PCDHGA4: variants seen among roughly 807,000 people sequenced by gnomAD.
The protein encoded by PCDHGA4 is protocadherin gamma subfamily A, 4, also known as protocadherin gamma-A4.
A neutral mutation model predicts 54.6 loss-of-function variants in PCDHGA4; 38 were observed. That is an observed-to-expected ratio of 0.70 (90% CI 0.54 to 0.91). The LOEUF is 0.91. Among genes scored for constraint, PCDHGA4 ranks in the 40% least tolerant of loss-of-function variants. The pLI, the probability that PCDHGA4 is intolerant of heterozygous loss-of-function variation, is 0.00. For missense variants in PCDHGA4, 1,298 were observed against 1,220.9 expected (o/e 1.06, Z -0.94); for synonymous variants, 511 against 512.9 (o/e 1.00, Z 0.05).
chr5:141,496,083 C>T (rs1267834920), intron 2 of PCDHGA4, among the ~76,000 whole-genome samples: 8 of 151,904 alleles, frequency 5.3e-5, no homozygotes, highest in Admixed American at 3.3e-4. Flanking sequence ...CAACCCCCCA[C>T]CCACCACCCA....
chr5:141,491,705 G>A lies in PCDHGA4; in HGVS notation c.2515-3102G>A. ...ACGCTGCGGGAGCGGAGCCAGGTGA[G>A]GGGCTCGGCGCCGCCCCGGGCGACC... is the stretch of plus-strand genomic sequence containing the variant. On this transcript the variant is annotated intron_variant, in intron 1 of 3. Transcript: ENST00000571252. The surrounding 1 kb of genome is among the most constrained non-coding windows in gnomAD (Gnocchi z 6.9). 1 of 1,611,064 alleles carries A rather than the reference G, an allele frequency of 6.2e-7. No homozygotes were observed. Among genetic ancestry groups the A allele is most frequent in the South Asian group, 1.1e-5 (1 of 90,828 alleles).
chr5:141,397,639 G>A (rs1391771739), intron 1 of PCDHGA4, among the ~76,000 whole-genome samples: 2 of 152,180 alleles, frequency 1.3e-5, no homozygotes, highest in Non-Finnish European at 2.9e-5. Context: ...AGAGTTCAAG[G>A]TATGTTTGCA....
chr5:141,456,072 T>C (rs1349808406), intron 1 of PCDHGA4, among the ~76,000 whole-genome samples: 2 of 151,950 alleles, frequency 1.3e-5, no homozygotes, highest in Non-Finnish European at 2.9e-5. Flanking sequence ...TAATTTTTTG[T>C]ATTTTCAGTA....
intron 1 of PCDHGA4, chr5:141,372,058 G>A (rs769464516): frequency 6.2e-7 from 1 of 1,613,554 alleles, no homozygotes; most frequent in South Asian, 1.1e-5. Flanking sequence ...GTGGACGACC[G>A]CAACGACAAT....
intron 1 of PCDHGA4, chr5:141,385,196 G>C (rs760255338): frequency 3.7e-5 from 60 of 1,614,112 alleles, no homozygotes; most frequent in Non-Finnish European, 5.1e-5. Flanking sequence ...TCTCGGAAGA[G>C]TCACCTGATC....
At chr5:141,488,738 ATGCAGGAAGT>A (rs771423337) in intron 1 of PCDHGA4, among the ~76,000 whole-genome samples, 1 of 152,222 alleles carries the variant, frequency 6.6e-6, no homozygotes, top group Non-Finnish European at 1.5e-5. Flanking sequence ...TTCTGAAGTC[ATGCAGGAAGT>A]TGCTGGGACA....
rs1331087585 is a variant in PCDHGA4 at position 141,365,757 on chromosome 5, C to G, written c.2514+8136C>G. 6 of 1,613,830 alleles carry G rather than the reference C, an allele frequency of 3.7e-6. No individual in the cohort carries two copies. The South Asian group carries it at 6.6e-5, about 18-fold the overall frequency. On this transcript the variant is annotated intron_variant, in intron 1 of 3. Transcript: ENST00000571252. ...GGTGTCTCTATCTTCTCTGTGACAG[C>G]CCATGACCCCGACAGCGGCGACAAC...
At chr5:141,371,260 G>C in intron 1 of PCDHGA4, 1 of 1,614,034 alleles carries the variant, frequency 6.2e-7, no homozygotes, top group Non-Finnish European at 8.5e-7. Flanking sequence ...AAGGAAGTGA[G>C]ACAACTGTTC....
Position 141,389,309 on chromosome 5 carries a change from T to G in PCDHGA4, c.2514+31688T>G, listed in dbSNP as rs763262842. Reference sequence around the variant, plus strand: ...CCTCTATTTCACAAGTCAGGGCTTCTGATCCGGACTTGGGGCCCAACGGCC... The same window carrying G: ...CCTCTATTTCACAAGTCAGGGCTTCGGATCCGGACTTGGGGCCCAACGGCC... On this transcript the variant is annotated intron_variant, in intron 1 of 3. Transcript: ENST00000571252. 8 of 1,614,018 alleles carry G rather than the reference T, an allele frequency of 5.0e-6. No individual in the cohort carries two copies. The South Asian group carries it at 5.5e-5, about 11-fold the overall frequency.
At chr5:141,470,795 C>T (rs947636574) in intron 1 of PCDHGA4, among the ~76,000 whole-genome samples, 2 of 152,182 alleles carry the variant, frequency 1.3e-5, no homozygotes, top group Non-Finnish European at 2.9e-5. Context: ...TCAAGCAATC[C>T]TCCCACTTCA....
At chr5:141,382,121 C>T (rs1437558526) in intron 1 of PCDHGA4, among the ~76,000 whole-genome samples, 1 of 152,068 alleles carries the variant, frequency 6.6e-6, no homozygotes, top group African/African-American at 2.4e-5. Flanking sequence ...AGCAACAGCA[C>T]CTGGCCCCCC....
chr5:141,493,289 C>T lies in PCDHGA4; in HGVS notation c.2515-1518C>T, dbSNP rs925045650. 2.6e-5 allele frequency among the ~76,000 whole-genome samples: 4 copies of T among 152,176 alleles called. No individual in the cohort carries two copies. Among genetic ancestry groups the T allele is most frequent in the Non-Finnish European group, 5.9e-5 (4 of 68,030 alleles). On this transcript the variant is annotated intron_variant, in intron 1 of 3. Coordinates refer to ENST00000571252, the MANE Select transcript of PCDHGA4 (RefSeq NM_018917.4). The surrounding 1 kb of genome is among the most constrained non-coding windows in gnomAD (Gnocchi z 4.3). ...CTTCACAGAGGTCAAGTGACTTGCT[C>T]AAGTTCACAGAGCAAGTAAGAGAGA...
rs772043134 is a variant in PCDHGA4, at chr5:141,432,746, G to A, written c.2515-62061G>A. 1.2e-6 allele frequency: 2 copies of A among 1,614,098 alleles called. No homozygotes were observed. Among genetic ancestry groups the A allele is most frequent in the East Asian group, 4.5e-5 (2 of 44,860 alleles). On this transcript the variant is annotated intron_variant, in intron 1 of 3. Coordinates refer to ENST00000571252, the MANE Select transcript of PCDHGA4 (RefSeq NM_018917.4). The surrounding 1 kb of genome is among the most constrained non-coding windows in gnomAD (Gnocchi z 6.0). ...CTCCGCCACTGTCACGCTCACCGTGGCCGTGGCCGACAGCATCCCCCAAGT... is the reference window on the plus strand; with the variant it reads ...CTCCGCCACTGTCACGCTCACCGTGACCGTGGCCGACAGCATCCCCCAAGT...
chr5:141,450,842 T>TTTTA (rs1387012749), intron 1 of PCDHGA4, among the ~76,000 whole-genome samples: 1 of 148,196 alleles, frequency 6.7e-6, no homozygotes, highest in African/African-American at 2.5e-5. Context: ...TTTTTTTTTT[T>TTTTA]GAGATGGGGT....
chr5:141,403,697 G>A (rs1230785832), intron 1 of PCDHGA4: 5 of 1,613,830 alleles, frequency 3.1e-6, no homozygotes, highest in Admixed American at 1.7e-5. Context: ...GATTTACCGA[G>A]TTAAAGTCCT....
Position 141,418,027 on chromosome 5 carries a change from T to A in PCDHGA4, c.2514+60406T>A, listed in dbSNP as rs536104184. 2.4e-5 allele frequency: 38 copies of A among 1,613,808 alleles called. 1 individual carries two copies. In the South Asian group the frequency reaches 4.2e-4, roughly 18 times the overall value. ...GGAACCTCGCTAAGGATCTAGGGCT[T>A]AGTGTCCTGGATGTGTCGGCTCGCG... On this transcript the variant is annotated intron_variant, in intron 1 of 3. Coordinates refer to ENST00000571252, the MANE Select transcript of PCDHGA4 (RefSeq NM_018917.4).
rs745989563 is a variant in PCDHGA4, at chr5:141,490,728, T to G, written c.2515-4079T>G. The G allele has an allele frequency of 6.2e-7, 1 of 1,614,148 alleles. No individual in the cohort carries two copies. Among genetic ancestry groups the G allele is most frequent in the East Asian group, 2.2e-5 (1 of 44,882 alleles). ...GCCTCACCTACTCCATTGTAGGAAA[T>G]CAGGTTCAGGGAGCCCCAGCCTCCT... On this transcript the variant is annotated intron_variant, in intron 1 of 3. Transcript: ENST00000571252. The surrounding 1 kb of genome is among the most constrained non-coding windows in gnomAD (Gnocchi z 5.4).
intron 1 of PCDHGA4, chr5:141,409,940 C>G: frequency 6.2e-7 from 1 of 1,613,236 alleles, no homozygotes. Flanking sequence ...TATGGTACCT[C>G]GCTCTGCAGA....
chr5:141,388,657 G>C (rs769160604), intron 1 of PCDHGA4: 2 of 1,613,878 alleles, frequency 1.2e-6, no homozygotes, highest in African/African-American at 1.3e-5. Flanking sequence ...GTGTACCCGG[G>C]GACCACGGTG....
Sources: allele counts gnomAD v4.1 joint callset (sites outside exome capture counted in the v4.1 genomes callset), GRCh38; gene constraint gnomAD v4.1.1; non-coding constraint Gnocchi (gnomAD v3.1); transcripts MANE v1.5; gene names NCBI Gene and HGNC (gene_info 2026-07-23, HGNC 2026-07-21).